The following CNGB1 variants were observed in gnomAD, a reference collection of about 807,000 sequenced individuals.
CNGB1 encodes the protein cyclic nucleotide gated channel subunit beta 1, also known as cyclic nucleotide-gated channel beta-1.
A neutral mutation model predicts 151.7 loss-of-function variants in CNGB1; 126 were observed. That is an observed-to-expected ratio of 0.83 (90% CI 0.72 to 0.96). The LOEUF (loss-of-function observed/expected upper bound fraction) is 0.96. Among genes scored for constraint, CNGB1 ranks in the 40% least tolerant of loss-of-function variants. CNGB1 has a pLI of 0.00. For missense variants in CNGB1, 1,698 were observed against 1,627.0 expected (o/e 1.04, Z -0.75); for synonymous variants, 623 against 635.1 (o/e 0.98, Z 0.29).
chr16:57,896,761 T>A (rs140019327), intron 31 of CNGB1, among the ~76,000 whole-genome samples: 4,356 of 139,116 alleles, frequency 0.031, 84 homozygotes, highest in Non-Finnish European at 0.045. Context: ...AATAAATAAA[T>A]AAAATAACTG....
intron 16 of CNGB1, among the ~76,000 whole-genome samples, 169 bp from the exon 17 acceptor site, chr16:57,932,047 G>T (rs911694336): frequency 6.6e-6 from 1 of 152,150 alleles, no homozygotes; most frequent in African/African-American, 2.4e-5. Flanking sequence ...GTACAGGAAC[G>T]TGGTGCCTGG....
rs926166086 is a variant in CNGB1 at position 57,886,676 on chromosome 16, C to T, written c.3462+1179G>A. 2.6e-5 allele frequency among the ~76,000 whole-genome samples: 4 copies of T among 152,094 alleles called. No individual in the cohort carries two copies. In the East Asian group the frequency reaches 7.7e-4, roughly 29 times the overall value. ...AGACTGTTAAGCCCAGTCTGCCTAA[C>T]CCCAGTCCCTCTCCAGATCCCCAGC... On this transcript the variant is annotated intron_variant, in intron 32 of 32. Transcript: ENST00000251102.
intron 14 of CNGB1, among the ~76,000 whole-genome samples, chr16:57,948,868 T>C (rs747902685): frequency 1.8e-4 from 28 of 152,206 alleles, no homozygotes; most frequent in Non-Finnish European, 3.4e-4. Flanking sequence ...GGGTGGACGA[T>C]CGACCATTAC....
chr16:57,911,096 T>C (rs1228369001), intron 25 of CNGB1, among the ~76,000 whole-genome samples: 1 of 152,158 alleles, frequency 6.6e-6, no homozygotes, highest in Non-Finnish European at 1.5e-5. Flanking sequence ...GGGAGTATTC[T>C]CTGGCCTCAT....
intron 27 of CNGB1, among the ~76,000 whole-genome samples, chr16:57,902,846 C>T (rs1311222825): frequency 6.6e-6 from 1 of 152,086 alleles, no homozygotes; most frequent in African/African-American, 2.4e-5. Flanking sequence ...CTCCTGGGCT[C>T]AAGTGATCCT....
At position 57,935,323 on chromosome 16, in the gene CNGB1, G is replaced by A. The variant is rs1252254485; in HGVS notation, c.1373-3445C>T. 4.6e-5 allele frequency among the ~76,000 whole-genome samples: 7 copies of A among 152,130 alleles called. No homozygotes were observed. The East Asian group carries it at 5.8e-4, about 13-fold the overall frequency. On this transcript the variant is annotated intron_variant, in intron 16 of 32. Transcript: ENST00000251102. ...ATTTGAATAGTAATAAAGTTTTCCT[G>A]TTTAAATATACTTAATTAAATAAAA...
intron 31 of CNGB1, among the ~76,000 whole-genome samples, chr16:57,892,855 C>A (rs574779403): frequency 3.8e-4 from 58 of 152,300 alleles, no homozygotes; most frequent in African/African-American, 1.3e-3. Context: ...GCCACCTGCT[C>A]AGAGCAGCTT....
At chr16:57,912,007 A>G in intron 24 of CNGB1, 132 bp from the exon 25 acceptor site, 1 of 1,235,876 alleles carries the variant, frequency 8.1e-7, no homozygotes. Flanking sequence ...ACCAGTTAGG[A>G]AGGGTGGTGC....
In CNGB1 at chr16:57,884,014, A is replaced by T. The variant is rs1051347174; in HGVS notation, c.*150T>A. 5.7e-5 allele frequency: 62 copies of T among 1,092,790 alleles called. No homozygotes were observed. The highest frequency in any genetic ancestry group is 8.2e-5 in the Non-Finnish European group (61 of 740,382). The allele number at this position is 1,092,790 out of a possible 1,614,324, so 67.7% of individuals were successfully genotyped here. On this transcript the variant is annotated 3_prime_UTR_variant, in exon 33 of 33. Transcript: ENST00000251102. ...GAGTCGGGGCTGGCGTGCTGGCGGG[A>T]CGGTCAGAGCTGCAGCCACTGAGGT...
intron 17 of CNGB1, among the ~76,000 whole-genome samples, chr16:57,929,592 T>C (rs1961291153): frequency 6.6e-6 from 1 of 152,094 alleles, no homozygotes; most frequent in Non-Finnish European, 1.5e-5. Flanking sequence ...CAAACAATCA[T>C]GGCAGAAGGC....
At chr16:57,951,239 C>A (rs1266628781) in intron 12 of CNGB1, among the ~76,000 whole-genome samples, 2 of 152,162 alleles carry the variant, frequency 1.3e-5, no homozygotes, top group African/African-American at 4.8e-5. Context: ...TCATCAGGAA[C>A]CTAAGCCTAC....
At position 57,917,250 on chromosome 16, in the gene CNGB1, C is replaced by T. The variant is rs1193929296; in HGVS notation, c.2166+18G>A. 1.2e-6 allele frequency: 2 copies of T among 1,606,508 alleles called. No individual in the cohort carries two copies. The highest frequency in any genetic ancestry group is 1.7e-6 in the Non-Finnish European group (2 of 1,176,284). ...GGTCTGCCCCCGGTCACCCCAACAC[C>T]ACCTGCCTGTGACTCACAATGATGT... On this transcript the variant is annotated intron_variant, in intron 21 of 32. Coordinates refer to ENST00000251102, the MANE Select transcript of CNGB1 (RefSeq NM_001297.5).
At chr16:57,962,300 C>T (rs780321566) in intron 7 of CNGB1, among the ~76,000 whole-genome samples, 10 of 152,186 alleles carry the variant, frequency 6.6e-5, no homozygotes, top group Non-Finnish European at 1.5e-4. Flanking sequence ...GGAGCTCATC[C>T]CTGCCCCTCC....
chr16:57,968,577 A>G (rs903198338), intron 1 of CNGB1, among the ~76,000 whole-genome samples: 3 of 146,246 alleles, frequency 2.1e-5, no homozygotes, highest in African/African-American at 7.5e-5. Flanking sequence ...AATGTTGACT[A>G]TGACTATTAC....
At chr16:57,896,943 G>A (rs952137012) in intron 31 of CNGB1, among the ~76,000 whole-genome samples, 14 of 152,032 alleles carry the variant, frequency 9.2e-5, no homozygotes, top group African/African-American at 3.4e-4. Flanking sequence ...TAAAGAATTA[G>A]CAAAATCTGA....
chr16:57,931,650 C>T (rs890530440), intron 17 of CNGB1, 66 bp downstream of exon 17: 28 of 1,576,494 alleles, frequency 1.8e-5, no homozygotes, highest in Non-Finnish European at 2.3e-5. Flanking sequence ...GCCTCAGTCT[C>T]TTCATCTGCC....
At chr16:57,962,775 C>T in intron 6 of CNGB1, 67 bp downstream of exon 6, 1 of 1,593,902 alleles carries the variant, frequency 6.3e-7, no homozygotes, top group Non-Finnish European at 8.6e-7. Context: ...AGGGGCAGGG[C>T]CCATCCCAGC....
At chr16:57,949,240 A>G (rs1419846242) in intron 14 of CNGB1, 113 bp downstream of exon 14, 1 of 1,581,128 alleles carries the variant, frequency 6.3e-7, no homozygotes, top group Non-Finnish European at 8.6e-7. Context: ...AGCCTTACAC[A>G]GCACAGAACA....
At chr16:57,954,639 CT>C (rs1282288232) in intron 12 of CNGB1, 23 of 969,258 alleles carry the variant, frequency 2.4e-5, no homozygotes, top group Non-Finnish European at 2.8e-5. Flanking sequence ...CTTCTTTTAG[CT>C]TTATCCTAAG....
Sources: gnomAD v4.1 joint callset for allele counts (sites outside exome capture counted in the v4.1 genomes callset) on GRCh38, gnomAD v4.1.1 for gene constraint, MANE v1.5 for transcripts, NCBI Gene and HGNC (gene_info 2026-07-23, HGNC 2026-07-21) for gene names.